The following ANK3 variants were observed in gnomAD, a reference collection of about 807,000 sequenced individuals.
ANK3 encodes the protein ankyrin 3, also known as ankyrin-3.
Under a neutral mutation model 370.9 loss-of-function variants are expected in ANK3, and 57 were observed. That is an observed-to-expected ratio of 0.15 (90% CI 0.12 to 0.19). The LOEUF (loss-of-function observed/expected upper bound fraction) is 0.19. ANK3 is among the 10% of genes least tolerant of loss of function. The pLI, the probability that ANK3 is intolerant of heterozygous loss-of-function variation, is 1.00. For missense variants in ANK3, 4,439 were observed against 5,302.1 expected (o/e 0.84, Z 5.06); for synonymous variants, 1,929 against 1,946.3 (o/e 0.99, Z 0.23).
chr10:60,509,933 T>C (rs2076038416), intron 2 of ANK3, among the ~76,000 whole-genome samples: 1 of 152,066 alleles, frequency 6.6e-6, no homozygotes, highest in Non-Finnish European at 1.5e-5. Flanking sequence ...GCATCAGACC[T>C]CCTTTCAAAG....
At chr10:60,386,395 G>A (rs1443896994) in intron 1 of ANK3, among the ~76,000 whole-genome samples, 2 of 151,322 alleles carry the variant, frequency 1.3e-5, no homozygotes, top group Non-Finnish European at 2.9e-5. Flanking sequence ...TAATAAAAAA[G>A]TAAAGTTTCA....
At chr10:60,351,081 C>T (rs1368281039) in intron 1 of ANK3, among the ~76,000 whole-genome samples, 1 of 152,060 alleles carries the variant, frequency 6.6e-6, no homozygotes, top group African/African-American at 2.4e-5. Context: ...AAAGGCCAGG[C>T]TTACTTCTTT....
intron 1 of ANK3, among the ~76,000 whole-genome samples, chr10:60,328,603 C>G (rs1018788728): frequency 6.6e-6 from 1 of 152,076 alleles, no homozygotes; most frequent in Non-Finnish European, 1.5e-5. Flanking sequence ...AAGTCCAATC[C>G]CTGAATGGAC....
intron 1 of ANK3, among the ~76,000 whole-genome samples, chr10:60,658,550 TAG>T (rs760898828): frequency 2.6e-5 from 4 of 152,118 alleles, no homozygotes; most frequent in Admixed American, 6.6e-5. Flanking sequence ...AGTTATAATA[TAG>T]AGTTATAATT....
intron 1 of ANK3, among the ~76,000 whole-genome samples, chr10:60,349,161 CT>C (rs1485879318): frequency 6.6e-6 from 1 of 152,174 alleles, no homozygotes; most frequent in African/African-American, 2.4e-5. Context: ...AACATTTTTG[CT>C]GCAAACTGTT....
Position 60,082,727 on chromosome 10 carries a change from G to A in ANK3, c.4211C>T (p.Thr1404Ile). Residue 1404 changes from threonine (T) to isoleucine (I), a missense_variant, in exon 34 of 44, where the codon ACC becomes ATC. By Grantham distance (89) the Thr-to-Ile change is moderately conservative (BLOSUM62 -1). Transcript: ENST00000280772. Reference protein sequence around the residue: ...RLPFSIKIRDTSQEPCGRLSF... With the variant: ...RLPFSIKIRDISQEPCGRLSF... Reference sequence around the variant, plus strand: ...CAGACGACCACAGGGCTCTTGGCTGGTGTCTCTAATCTAGAAGAATTTTGG... The same window carrying A: ...CAGACGACCACAGGGCTCTTGGCTGATGTCTCTAATCTAGAAGAATTTTGG... 1.2e-6 allele frequency: 2 copies of A among 1,613,202 alleles called. No homozygotes were observed. The highest frequency in any genetic ancestry group is 1.7e-6 in the Non-Finnish European group (2 of 1,179,798).
At chr10:60,321,394 G>A (rs61848483) in intron 1 of ANK3, among the ~76,000 whole-genome samples, 91,819 of 141,000 alleles carry the variant, frequency 0.65, 29,729 homozygotes, top group South Asian at 0.75. Flanking sequence ...AAAGAAAAGA[G>A]AAGAGAAGAA....
intron 2 of ANK3, among the ~76,000 whole-genome samples, chr10:60,614,876 CT>C (rs1172864652): frequency 6.6e-6 from 1 of 152,212 alleles, no homozygotes; most frequent in African/African-American, 2.4e-5. Flanking sequence ...CTTGGTTACT[CT>C]GTACCTGCCA....
chr10:60,401,431 A>G (rs933388824), intron 2 of ANK3, among the ~76,000 whole-genome samples: 1 of 152,246 alleles, frequency 6.6e-6, no homozygotes, highest in South Asian at 2.1e-4. Flanking sequence ...CTGCCACTCA[A>G]AAAGCACAGG....
upstream of ANK3, among the ~76,000 whole-genome samples, chr10:60,393,587 G>A (rs1029168043): frequency 6.6e-6 from 1 of 152,114 alleles, no homozygotes; most frequent in Admixed American, 6.5e-5. Context: ...AGCCAAATCA[G>A]TTCATTAGGA....
intron 1 of ANK3, chr10:60,684,793 T>A: frequency 6.5e-7 from 1 of 1,548,268 alleles, no homozygotes; most frequent in Non-Finnish European, 8.8e-7. Context: ...AGATGGCATT[T>A]TATTTCTTAT....
chr10:60,682,913 T>C (rs912481964), intron 1 of ANK3, among the ~76,000 whole-genome samples: 2 of 152,030 alleles, frequency 1.3e-5, no homozygotes, highest in Admixed American at 6.6e-5. Context: ...CAAACAAGGG[T>C]TCATGGGAAT....
chr10:60,118,517 T>G lies in ANK3; in HGVS notation c.2842-4186A>C, dbSNP rs554439648. 1.3e-3 allele frequency among the ~76,000 whole-genome samples: 198 copies of G among 152,352 alleles called. 1 individual carries two copies. Among genetic ancestry groups the G allele is most frequent in the African/African-American group, 4.6e-3 (193 of 41,592 alleles). On this transcript the variant is annotated intron_variant, in intron 25 of 43. Coordinates refer to ENST00000280772, the MANE Select transcript of ANK3 (RefSeq NM_020987.5). ...ACCATTTAGGAAAGTTCCCAAATTCTATATGGATTAACCAAATATGAGGTG... is the reference window on the plus strand; with the variant it reads ...ACCATTTAGGAAAGTTCCCAAATTCGATATGGATTAACCAAATATGAGGTG...
intron 2 of ANK3, among the ~76,000 whole-genome samples, chr10:60,460,330 C>T (rs939494562): frequency 7.9e-5 from 12 of 152,086 alleles, no homozygotes; most frequent in Non-Finnish European, 1.8e-4. Flanking sequence ...TTTAGGAAAG[C>T]AAGAATCATT....
chr10:60,077,637 G>A (rs2084131849), intron 36 of ANK3, among the ~76,000 whole-genome samples: 2 of 152,166 alleles, frequency 1.3e-5, no homozygotes, highest in African/African-American at 2.4e-5. Flanking sequence ...AAAGCATATA[G>A]TTTATCTCAG....
At position 60,108,984 on chromosome 10, in the gene ANK3, T is replaced by C; in HGVS notation, c.3019A>G (p.Ile1007Val). The C allele has an allele frequency of 6.2e-7, 1 of 1,614,046 alleles. No individual in the cohort carries two copies. The highest frequency in any genetic ancestry group is 8.5e-7 in the Non-Finnish European group (1 of 1,179,972). Reference sequence around the variant, plus strand: ...GTACACTTGCGTGGAGGAATGATGATTCTCATCCCGTGATGACGGCTTCCT... The same window carrying C: ...GTACACTTGCGTGGAGGAATGATGACTCTCATCCCGTGATGACGGCTTCCT... The part of the protein sequence containing the change: ...MRGSRHHGMR[I>V]IIPPRKCTAP... The change falls in exon 27 of 44, where the codon ATC becomes GTC. Residue 1007 changes from isoleucine to valine, a missense_variant. Physicochemically the swap from Ile to Val is conservative, Grantham distance 29. Around this residue, in one of 13 missense-constraint regions of ANK3, gnomAD observed 702 missense variants for 941.5 expected, o/e 0.75. Transcript: ENST00000280772.
At chr10:60,336,024 A>T (rs1305493366) in intron 1 of ANK3, among the ~76,000 whole-genome samples, 3 of 151,844 alleles carry the variant, frequency 2.0e-5, no homozygotes, top group South Asian at 4.1e-4. Context: ...ACCAGAAAAT[A>T]TTCTTCGGAT....
chr10:60,302,878 A>G (rs2044140900), intron 1 of ANK3, among the ~76,000 whole-genome samples: 1 of 152,084 alleles, frequency 6.6e-6, no homozygotes, highest in Admixed American at 6.6e-5. Context: ...GAACAATGGG[A>G]CAGAATAGAA....
At chr10:60,417,018 G>A (rs962840429) in intron 2 of ANK3, among the ~76,000 whole-genome samples, 1 of 152,142 alleles carries the variant, frequency 6.6e-6, no homozygotes, top group African/African-American at 2.4e-5. Context: ...GAAGATGGTG[G>A]TAAAGAAAGG....
Sources: gnomAD v4.1 joint callset for allele counts (sites outside exome capture counted in the v4.1 genomes callset) on GRCh38, gnomAD v4.1.1 for gene constraint, gnomAD v4.1.1 regional missense constraint, MANE v1.5 for transcripts, NCBI Gene and HGNC (gene_info 2026-07-23, HGNC 2026-07-21) for gene names.